Variants in SEMA6D observed in about 807,000 individuals in gnomAD.
The protein encoded by SEMA6D is semaphorin-6D.
Under a neutral mutation model 106.6 loss-of-function variants are expected in SEMA6D, and 35 were observed. The ratio of observed to expected loss-of-function variants is 0.33; its 90% CI spans 0.25 to 0.44. The LOEUF (loss-of-function observed/expected upper bound fraction) is 0.44. SEMA6D is among the 20% of genes least tolerant of loss of function. The pLI is 1.00. For synonymous variants in SEMA6D, 499 were observed against 487.7 expected, an observed-to-expected ratio of 1.02 and a Z score of -0.31; for missense variants, 1,185 against 1,345.9, an observed-to-expected ratio of 0.88 and a Z score of 1.87.
At chr15:47,274,480 C>T (rs947339705) in intron 1 of SEMA6D, 2 of 151,982 alleles carry the variant, frequency 1.3e-5, no homozygotes, top group Non-Finnish European at 2.9e-5. Flanking sequence ...GGCACAAGCT[C>T]TGTTTGTGAG....
chr15:47,503,933 CCTGA>C (rs773330856), intron 3 of SEMA6D, among the ~76,000 whole-genome samples: 1 of 152,150 alleles, frequency 6.6e-6, no homozygotes, highest in Non-Finnish European at 1.5e-5. Flanking sequence ...ATCCCACTCC[CCTGA>C]CTAAGAACAG....
At chr15:47,644,993 T>C (rs1475463374) in intron 4 of SEMA6D, among the ~76,000 whole-genome samples, 2 of 152,106 alleles carry the variant, frequency 1.3e-5, no homozygotes, top group Non-Finnish European at 2.9e-5. Flanking sequence ...CTGATCTGTG[T>C]GTCTCTAAAA....
intron 1 of SEMA6D, among the ~76,000 whole-genome samples, chr15:47,317,598 T>C (rs984876988): frequency 6.6e-6 from 1 of 152,196 alleles, no homozygotes; most frequent in African/African-American, 2.4e-5. Context: ...TCTCTTACAC[T>C]TTTGAAGAAT....
At chr15:47,672,233 C>A (rs1286970705) in intron 4 of SEMA6D, among the ~76,000 whole-genome samples, 1 of 152,164 alleles carries the variant, frequency 6.6e-6, no homozygotes, top group Non-Finnish European at 1.5e-5. Flanking sequence ...GAACTCATAC[C>A]ACTGTGCTTT....
chr15:47,276,049 C>A (rs2034795727), intron 1 of SEMA6D, among the ~76,000 whole-genome samples: 2 of 152,092 alleles, frequency 1.3e-5, no homozygotes, highest in Admixed American at 6.6e-5. Context: ...GAATCAAATC[C>A]AGAGCAAGAC....
At chr15:47,472,848 T>G (rs995069874) in intron 3 of SEMA6D, among the ~76,000 whole-genome samples, 6 of 152,164 alleles carry the variant, frequency 3.9e-5, no homozygotes, top group Admixed American at 1.3e-4. Flanking sequence ...TAGAATCACT[T>G]TTTTTGGGTT....
chr15:47,308,675 A>C (rs2036323530), intron 1 of SEMA6D, among the ~76,000 whole-genome samples: 1 of 152,190 alleles, frequency 6.6e-6, no homozygotes, highest in South Asian at 2.1e-4. Flanking sequence ...TGAGCTCTTC[A>C]TGCATCTCTG....
At chr15:47,440,947 A>G (rs945597791) in intron 2 of SEMA6D, among the ~76,000 whole-genome samples, 15 of 152,096 alleles carry the variant, frequency 9.9e-5, no homozygotes, top group African/African-American at 3.6e-4. Context: ...ACCAAACACT[A>G]CAATCAGGCT....
intron 1 of SEMA6D, among the ~76,000 whole-genome samples, chr15:47,376,351 A>G (rs2145514635): frequency 6.6e-6 from 1 of 152,346 alleles, no homozygotes; most frequent in Middle Eastern, 3.4e-3. Flanking sequence ...GCTGCTGAGC[A>G]CAGCAAGAAA....
Position 47,494,749 on chromosome 15 carries a change from T to G in SEMA6D, c.-87+24204T>G, listed in dbSNP as rs1277416168. ...CTGGAGAGTGGGATGGAGATATATA[T>G]ATATATATATATATATATATATATA... On this transcript the variant is annotated intron_variant, in intron 3 of 19. Transcript: ENST00000558014. 3.0e-3 allele frequency among the ~76,000 whole-genome samples: 182 copies of G among 60,806 alleles called. 3 individuals carry two copies. Among genetic ancestry groups the G allele is most frequent in the African/African-American group, 0.021 (163 of 7,930 alleles). The allele number at this position is 60,806 out of a possible 152,430, so 39.9% of individuals were successfully genotyped here.
At chr15:47,290,576 G>A (rs1009708457) in intron 1 of SEMA6D, among the ~76,000 whole-genome samples, 6 of 151,584 alleles carry the variant, frequency 4.0e-5, no homozygotes, top group Non-Finnish European at 7.4e-5. Context: ...CACCGGAAAT[G>A]ATTTATATTA....
chr15:47,275,956 C>T (rs1039235243), intron 1 of SEMA6D, among the ~76,000 whole-genome samples: 4 of 152,006 alleles, frequency 2.6e-5, no homozygotes, highest in South Asian at 2.1e-4. Context: ...GATATGAAAG[C>T]GAAACATTTT....
intron 4 of SEMA6D, among the ~76,000 whole-genome samples, chr15:47,617,597 G>A (rs1290129889): frequency 6.6e-6 from 1 of 152,126 alleles, no homozygotes; most frequent in Non-Finnish European, 1.5e-5. Flanking sequence ...GAACATACAG[G>A]AATGTTGTAG....
chr15:47,221,601 G>A (rs906111988), intron 1 of SEMA6D, among the ~76,000 whole-genome samples: 2 of 152,076 alleles, frequency 1.3e-5, no homozygotes, highest in Non-Finnish European at 2.9e-5. Flanking sequence ...CTTTATTTTC[G>A]CTAACTTCTA....
At chr15:47,505,917 G>T (rs2044022385) in intron 3 of SEMA6D, among the ~76,000 whole-genome samples, 1 of 152,106 alleles carries the variant, frequency 6.6e-6, no homozygotes, top group Non-Finnish European at 1.5e-5. Flanking sequence ...AGGAAAGGCT[G>T]ATGTGTGGGA....
At chr15:47,260,543 G>A (rs992251797) in intron 1 of SEMA6D, among the ~76,000 whole-genome samples, 1 of 152,066 alleles carries the variant, frequency 6.6e-6, no homozygotes, top group African/African-American at 2.4e-5. Flanking sequence ...CTTCTGGAGG[G>A]GAAAAGAAGT....
intron 1 of SEMA6D, among the ~76,000 whole-genome samples, chr15:47,397,028 A>AAG (rs1464979308): frequency 1.3e-5 from 2 of 152,144 alleles, no homozygotes; most frequent in Non-Finnish European, 2.9e-5. Context: ...ACATTACAAC[A>AAG]AGTGTGGGGT....
At chr15:47,520,630 G>A (rs560826252) in intron 3 of SEMA6D, among the ~76,000 whole-genome samples, 8 of 152,346 alleles carry the variant, frequency 5.3e-5, no homozygotes, top group African/African-American at 1.2e-4. Context: ...CTGGAAGCTG[G>A]TTGTTTCTGA....
At chr15:47,541,986 T>A (rs779972573) in intron 3 of SEMA6D, among the ~76,000 whole-genome samples, 7 of 152,130 alleles carry the variant, frequency 4.6e-5, no homozygotes, top group Non-Finnish European at 1.0e-4. Flanking sequence ...ATTTTCACAT[T>A]TCCTTAAAAA....
Sources: gnomAD v4.1 joint callset for allele counts (sites outside exome capture counted in the v4.1 genomes callset) on GRCh38, gnomAD v4.1.1 for gene constraint, MANE v1.5 for transcripts, NCBI Gene and HGNC (gene_info 2026-07-23, HGNC 2026-07-21) for gene names.